The following EFCAB6 variants were observed in gnomAD, a reference collection of about 807,000 sequenced individuals.
EFCAB6 encodes EF-hand calcium binding domain 6, also known as EF-hand calcium-binding domain-containing protein 6.
Under a neutral mutation model 169.8 loss-of-function variants are expected in EFCAB6, and 156 were observed. That is an observed-to-expected ratio of 0.92 (90% CI 0.81 to 1.05). EFCAB6 has a LOEUF of 1.05. Ranked by LOEUF, EFCAB6 falls within the 50% of genes least tolerant of loss-of-function variation. EFCAB6 has a pLI of 0.00. For synonymous variants in EFCAB6, 698 were observed against 676.4 expected (o/e 1.03, Z -0.50); for missense variants, 1,800 against 1,829.1 (o/e 0.98, Z 0.29).
chr22:43,530,566 C>A (rs917444818), intron 31 of EFCAB6: 3 of 985,450 alleles, frequency 3.0e-6, no homozygotes, highest in East Asian at 1.1e-4. Context: ...CCCTGAGGAG[C>A]TGGCGATGCA....
At chr22:43,799,238 G>A (rs1220903999) in intron 2 of EFCAB6, among the ~76,000 whole-genome samples, 2 of 151,930 alleles carry the variant, frequency 1.3e-5, no homozygotes. Flanking sequence ...GCTGAGATGG[G>A]AGGATCACTT....
At chr22:43,680,241 AATAAATGGACC>A (rs2057949467) in intron 12 of EFCAB6, among the ~76,000 whole-genome samples, 1 of 152,220 alleles carries the variant, frequency 6.6e-6, no homozygotes, top group Non-Finnish European at 1.5e-5. Context: ...ATTTGTCAAA[AATAAATGGACC>A]ATAAATGTAA....
chr22:43,790,395 A>G (rs2062240043), intron 2 of EFCAB6, among the ~76,000 whole-genome samples: 1 of 152,258 alleles, frequency 6.6e-6, no homozygotes, highest in Admixed American at 6.5e-5. Context: ...TCTGGAGATC[A>G]ATGAACAAAA....
intron 6 of EFCAB6, among the ~76,000 whole-genome samples, chr22:43,742,234 T>G (rs1411189703): frequency 1.3e-5 from 2 of 152,206 alleles, no homozygotes; most frequent in Non-Finnish European, 2.9e-5. Flanking sequence ...AGAAGGCTAA[T>G]ATTTCATGAC....
intron 23 of EFCAB6, among the ~76,000 whole-genome samples, chr22:43,596,588 GA>G (rs1329004200): frequency 6.6e-6 from 1 of 152,046 alleles, no homozygotes; most frequent in Non-Finnish European, 1.5e-5. Flanking sequence ...GCTGATGAAA[GA>G]AATTGAAAAG....
rs543817575 is a variant in EFCAB6, at chr22:43,782,501, A to T, written c.-7-176T>A. 2.6e-5 allele frequency among the ~76,000 whole-genome samples: 4 copies of T among 152,310 alleles called. No individual in the cohort carries two copies. The South Asian group carries it at 8.3e-4, about 32-fold the overall frequency. On this transcript the variant is annotated intron_variant, in intron 2 of 31. Transcript: ENST00000262726. ...TCTTAAAGTGAACACAAAAATCATC[A>T]TTTTGGACTCCTTGTTTTCAGCATA... is the stretch of plus-strand genomic sequence containing the variant.
At chr22:43,543,566 C>T (rs2047871967) in intron 27 of EFCAB6, among the ~76,000 whole-genome samples, 1 of 152,154 alleles carries the variant, frequency 6.6e-6, no homozygotes, top group South Asian at 2.1e-4. Context: ...GGGGAAGGAT[C>T]GACATCCTTG....
rs140641457 is a variant in EFCAB6, at chr22:43,795,819, A to AACACACAC, written c.-8+13168_-8+13175dup. ...GCCATTCAGACAGCACTCGCCTCCC[A>AACACACAC]ACACACACACACACACACACACTAC... is the stretch of plus-strand genomic sequence containing the variant. On this transcript the variant is annotated intron_variant, in intron 2 of 31. Transcript: ENST00000262726. This position sits in a 1 kb window ranked among gnomAD's most constrained non-coding sequence, Gnocchi z 4.2. Among the ~76,000 whole-genome samples, 13 of 148,902 alleles carry AACACACAC rather than the reference A, an allele frequency of 8.7e-5. 1 individual carries two copies. Among genetic ancestry groups the AACACACAC allele is most frequent in the African/African-American group, 3.2e-4 (13 of 40,520 alleles).
At chr22:43,690,896 A>T (rs930517535) in intron 10 of EFCAB6, among the ~76,000 whole-genome samples, 12 of 152,114 alleles carry the variant, frequency 7.9e-5, no homozygotes, top group African/African-American at 2.9e-4. Context: ...TAATTTCCAT[A>T]GCCAGTGCTG....
At chr22:43,629,939 G>A (rs1188511662) in intron 19 of EFCAB6, among the ~76,000 whole-genome samples, 4 of 152,192 alleles carry the variant, frequency 2.6e-5, no homozygotes, top group Non-Finnish European at 4.4e-5. Context: ...GCAAAGTGAA[G>A]TTGCAGAGAA....
intron 16 of EFCAB6, among the ~76,000 whole-genome samples, chr22:43,668,074 A>C (rs2057340415): frequency 6.6e-6 from 1 of 152,224 alleles, no homozygotes; most frequent in East Asian, 1.9e-4. Context: ...TTATCATGGA[A>C]TATTTAACCC....
At chr22:43,647,777 G>A (rs1463691471) in intron 17 of EFCAB6, among the ~76,000 whole-genome samples, 44 of 152,150 alleles carry the variant, frequency 2.9e-4, no homozygotes, top group Admixed American at 2.8e-3. Flanking sequence ...AGACCAAAGA[G>A]GCCATGTGGA....
At chr22:43,751,663 T>C (rs1157339603) in intron 6 of EFCAB6, among the ~76,000 whole-genome samples, 1 of 152,196 alleles carries the variant, frequency 6.6e-6, no homozygotes, top group Non-Finnish European at 1.5e-5. Flanking sequence ...AGATGCTCCA[T>C]GGACAGAAAG....
intron 9 of EFCAB6, among the ~76,000 whole-genome samples, chr22:43,712,323 C>T (rs1465050749): frequency 5.2e-5 from 5 of 96,764 alleles, no homozygotes; most frequent in South Asian, 7.7e-4. Context: ...AACCATCCCA[C>T]TTTGTCTGAA....
In EFCAB6 at chr22:43,806,614, C is replaced by A. The variant is rs1297321292; in HGVS notation, c.-8+2381G>T. On this transcript the variant is annotated intron_variant, in intron 2 of 31. Transcript: ENST00000262726. ...AATTAACCACCTGGCTTCAGGTGAT[C>A]CTTCCAGACGCCATTACCTCCAGGC... 2.0e-5 allele frequency among the ~76,000 whole-genome samples: 3 copies of A among 152,124 alleles called. No individual in the cohort carries two copies. The South Asian group carries it at 6.2e-4, about 32-fold the overall frequency.
chr22:43,619,431 TA>T (rs1326184306), intron 20 of EFCAB6, among the ~76,000 whole-genome samples: 1 of 152,096 alleles, frequency 6.6e-6, no homozygotes, highest in East Asian at 1.9e-4. Flanking sequence ...CAAAGTGATA[TA>T]AAATACCAGA....
At chr22:43,553,907 G>A (rs2048535312) in intron 27 of EFCAB6, 1 of 152,804 alleles carries the variant, frequency 6.5e-6, no homozygotes, top group Admixed American at 6.5e-5. Flanking sequence ...GGCAGGGCCT[G>A]TGTCCAGCCT....
chr22:43,605,425 A>T (rs1350974766), intron 22 of EFCAB6, among the ~76,000 whole-genome samples: 1 of 152,166 alleles, frequency 6.6e-6, no homozygotes, highest in Non-Finnish European at 1.5e-5. Flanking sequence ...CAGGCAGATC[A>T]CGAGGTCAAG....
intron 3 of EFCAB6, among the ~76,000 whole-genome samples, chr22:43,775,263 G>T (rs1479569660): frequency 6.6e-6 from 1 of 152,050 alleles, no homozygotes; most frequent in African/African-American, 2.4e-5. Flanking sequence ...TCCAAGATGG[G>T]AATGGCAAGA....
Sources: gnomAD v4.1 joint callset for allele counts (sites outside exome capture counted in the v4.1 genomes callset) on GRCh38, gnomAD v4.1.1 for gene constraint, Gnocchi (gnomAD v3.1) non-coding constraint, MANE v1.5 for transcripts, NCBI Gene and HGNC (gene_info 2026-07-23, HGNC 2026-07-21) for gene names.